PASK: variants seen among roughly 807,000 people sequenced by gnomAD.
PASK encodes the protein PAS domain containing serine/threonine kinase.
In PASK, 110 loss-of-function variants were observed where a neutral mutation model predicts 121.0. The observed-to-expected ratio is 0.91, with a 90% CI of 0.78 to 1.06. The LOEUF is 1.06. Among genes scored for constraint, PASK ranks in the 50% least tolerant of loss-of-function variants. The pLI, the probability that PASK is intolerant of heterozygous loss-of-function variation, is 0.00. For missense variants in PASK, 1,643 were observed against 1,702.3 expected, an observed-to-expected ratio of 0.97 and a Z score of 0.61; for synonymous variants, 686 against 717.8, an observed-to-expected ratio of 0.96 and a Z score of 0.71.
upstream of PASK, chr2:241,150,215 G>C (rs182116419): frequency 7.8e-7 from 1 of 1,274,232 alleles, no homozygotes; most frequent in Non-Finnish European, 9.9e-7. Flanking sequence ...CTGCAGCTAC[G>C]GCTCTGTGCG....
chr2:241,118,951 G>A lies in PASK; in HGVS notation c.3073-3538C>T, dbSNP rs977951146. Reference sequence around the variant, plus strand: ...CAGCACCCCAGTGAGTAAGCTGCCCGTGGCTGGCAAGGGCAGCACCCCCAG... The same window carrying A: ...CAGCACCCCAGTGAGTAAGCTGCCCATGGCTGGCAAGGGCAGCACCCCCAG... On this transcript the variant is annotated intron_variant, in intron 12 of 17. Transcript: ENST00000234040. 1.5e-5 allele frequency: 15 copies of A among 1,024,852 alleles called. No individual in the cohort carries two copies. The African/African-American group carries it at 2.0e-4, about 14-fold the overall frequency. 63.5% of individuals were successfully genotyped at this position (1,024,852 alleles called of 1,614,324 possible).
chr2:241,123,986 G>C lies in PASK; in HGVS notation c.2867C>G (p.Ser956Cys). 1 of 1,613,986 alleles carries C rather than the reference G, an allele frequency of 6.2e-7. No homozygotes were observed. Among genetic ancestry groups the C allele is most frequent in the Non-Finnish European group, 8.5e-7 (1 of 1,180,022 alleles). Residue 956 changes from serine to cysteine, a missense_variant, in exon 11 of 18, where the codon TCT (serine) becomes TGT (cysteine). Transcript: ENST00000234040. Reference sequence around the variant, plus strand: ...GGGTCCGGTGAGCTCAGCAGCGGTAGAGTGGGTGGAGCCGGGCAGGCTGGC... The same window carrying C: ...GGGTCCGGTGAGCTCAGCAGCGGTACAGTGGGTGGAGCCGGGCAGGCTGGC... ...FLASLPGSTH[S>C]TAAELTGPSL...
Position 241,140,674 on chromosome 2 carries a change from G to A in PASK, c.276C>T (p.Ala92=). 1 of 1,614,096 alleles carries A rather than the reference G, an allele frequency of 6.2e-7. No individual in the cohort carries two copies. Among genetic ancestry groups the A allele is most frequent in the Non-Finnish European group, 8.5e-7 (1 of 1,179,952 alleles). The change falls in exon 3 of 18, where the codon GCC becomes GCT. Residue 92 remains alanine, a synonymous_variant. Transcript: ENST00000234040. ...ICTSKLHCPA[A]PEHTDPSEPR... is the part of the protein sequence containing the mutation. ...GTTCGGACGGGTCCGTGTGCTCAGGGGCAGCAGGGCAGTGCAGTTTACTTG... is the reference window on the plus strand; with the variant it reads ...GTTCGGACGGGTCCGTGTGCTCAGGAGCAGCAGGGCAGTGCAGTTTACTTG...
In PASK at chr2:241,127,295, C is replaced by T; in HGVS notation, c.1620G>A (p.Val540=). ...LGESRSEPVD[V]KPFASCEDSE... ...AATCTTCGCAGGAAGCAAATGGCTTCACATCCACTGGTTCAGACCTGCTTT... is the reference window on the plus strand; with the variant it reads ...AATCTTCGCAGGAAGCAAATGGCTTTACATCCACTGGTTCAGACCTGCTTT... The change falls in exon 10 of 18, where the codon GTG becomes GTA. Residue 540 remains valine (V), a synonymous_variant. Transcript: ENST00000234040. 6.2e-7 allele frequency: 1 copy of T among 1,614,254 alleles called. No individual in the cohort carries two copies. Among genetic ancestry groups the T allele is most frequent in the Non-Finnish European group, 8.5e-7 (1 of 1,180,036 alleles).
At chr2:241,119,596 A>G (rs1046074115) in intron 12 of PASK, among the ~76,000 whole-genome samples, 3 of 151,316 alleles carry the variant, frequency 2.0e-5, no homozygotes, top group African/African-American at 7.3e-5. Flanking sequence ...CAGCCTCCTG[A>G]GTAGCTGGAA....
At chr2:241,138,832 A>G (rs1265467456) in intron 4 of PASK, 38 bp from the exon 5 acceptor site, 1 of 1,610,850 alleles carries the variant, frequency 6.2e-7, no homozygotes, top group African/African-American at 1.3e-5. Context: ...CATGCCATGA[A>G]CCCAAAAGAC....
chr2:241,106,597 T>G lies in PASK; in HGVS notation c.3941A>C (p.His1314Pro), dbSNP rs199833369. The change falls in exon 18 of 18, where the codon CAT (histidine) becomes CCT (proline). Residue 1314 changes from histidine to proline, a missense_variant. Coordinates refer to ENST00000234040, the MANE Select transcript of PASK (RefSeq NM_015148.4). ...GEAPNGQGCL[H>P]PGDPRLLTS The stretch of plus-strand genomic sequence containing the variant: ...GGTCAGCAGACGGGGATCCCCGGGA[T>G]GCAAACAGCCTTGGCCATTAGGAGC... 16 of 1,614,132 alleles carry G rather than the reference T, an allele frequency of 9.9e-6. No individual in the cohort carries two copies. In the African/African-American group the frequency reaches 1.6e-4, roughly 16 times the overall value.
At position 241,142,979 on chromosome 2, in the gene PASK, C is replaced by G. The variant is rs1575343704; in HGVS notation, c.54G>C (p.Gln18His). The change falls in exon 2 of 18, where the codon CAG becomes CAC. Residue 18 changes from glutamine to histidine, a missense_variant. This residue lies in a region of PASK where 1,176 missense variants were observed against 1,162.2 expected (regional missense o/e 1.01). Coordinates refer to ENST00000234040, the MANE Select transcript of PASK (RefSeq NM_015148.4). Reference sequence around the variant, plus strand: ...CTGCTGACACTGGCAAGGGGAGGCTCTGGGAAAGGCATCTCTGGTCCTCTT... The same window carrying G: ...CTGCTGACACTGGCAAGGGGAGGCTGTGGGAAAGGCATCTCTGGTCCTCTT... ...AFEEDQRCLS[Q>H]SLPLPVSAEG... 1 of 1,614,046 alleles carries G rather than the reference C, an allele frequency of 6.2e-7. No homozygotes were observed. The highest frequency in any genetic ancestry group is 8.5e-7 in the Non-Finnish European group (1 of 1,180,002).
At chr2:241,116,319 G>C (rs939884063) in intron 12 of PASK, among the ~76,000 whole-genome samples, 2 of 152,254 alleles carry the variant, frequency 1.3e-5, no homozygotes, top group Admixed American at 6.5e-5. Context: ...ACAGAAGGGG[G>C]TCAGCAGCTG....
intron 9 of PASK, among the ~76,000 whole-genome samples, chr2:241,130,958 GCA>G (rs930420776): frequency 7.9e-5 from 12 of 152,152 alleles, no homozygotes; most frequent in Non-Finnish European, 8.8e-5. Flanking sequence ...ATATGCACAT[GCA>G]CACATAGAAG....
intron 12 of PASK, among the ~76,000 whole-genome samples, chr2:241,118,549 T>C (rs2065468147): frequency 6.6e-6 from 1 of 151,624 alleles, no homozygotes; most frequent in Admixed American, 6.5e-5. Flanking sequence ...CAAAAATAGA[T>C]CAAAGACTTA....
chr2:241,146,579 C>T (rs370736717), intron 1 of PASK, among the ~76,000 whole-genome samples: 3 of 152,158 alleles, frequency 2.0e-5, no homozygotes, highest in African/African-American at 7.2e-5. Flanking sequence ...AACAAATAAA[C>T]TACACACAAG....
At chr2:241,117,135 G>A (rs1397514649) in intron 12 of PASK, among the ~76,000 whole-genome samples, 5 of 152,158 alleles carry the variant, frequency 3.3e-5, no homozygotes, top group South Asian at 2.1e-4. Context: ...GGGCCAGGGC[G>A]GGAGCAGGAA....
chr2:241,111,257 C>T (rs1213224477), intron 15 of PASK, among the ~76,000 whole-genome samples: 1 of 152,180 alleles, frequency 6.6e-6, no homozygotes, highest in Non-Finnish European at 1.5e-5. Flanking sequence ...TGTGCCTCTC[C>T]TGTGGGGGCA....
intron 2 of PASK, among the ~76,000 whole-genome samples, chr2:241,141,680 C>G (rs1280824258): frequency 2.0e-5 from 3 of 152,154 alleles, no homozygotes; most frequent in African/African-American, 7.2e-5. Flanking sequence ...CGCCTGCTTC[C>G]CCATCTCTGG....
At chr2:241,117,541 G>A (rs2065427295) in intron 12 of PASK, among the ~76,000 whole-genome samples, 2 of 152,212 alleles carry the variant, frequency 1.3e-5, no homozygotes. Flanking sequence ...AGAATTAACG[G>A]AACCAAAGAA....
At chr2:241,122,259 TATA>T (rs1277047396) in intron 12 of PASK, among the ~76,000 whole-genome samples, 3 of 152,152 alleles carry the variant, frequency 2.0e-5, no homozygotes, top group Admixed American at 1.3e-4. Flanking sequence ...AAAAATTTTT[TATA>T]ATAAGAGAAA....
chr2:241,128,078 C>T lies in PASK; in HGVS notation c.1464-627G>A, dbSNP rs887100797. Among the ~76,000 whole-genome samples, 6 of 152,126 alleles carry T rather than the reference C, an allele frequency of 3.9e-5. 1 individual carries two copies. Among genetic ancestry groups the T allele is most frequent in the African/African-American group, 9.7e-5 (4 of 41,434 alleles). On this transcript the variant is annotated intron_variant, in intron 9 of 17. Transcript: ENST00000234040. ...GCAGATCACTTGAGGTCAGGAGGTT[C>T]GAGACCAGACTGGCCAACATGGCAA...
rs772357308 is a variant in PASK, at chr2:241,142,873, G to A, written c.160C>T (p.Leu54Phe). The A allele has an allele frequency of 5.6e-6, 9 of 1,613,844 alleles. No homozygotes were observed. In the African/African-American group the frequency reaches 6.7e-5, roughly 12 times the overall value. Residue 54 changes from leucine (L) to phenylalanine (F), a missense_variant, in exon 2 of 18, where the codon CTT becomes TTT. Transcript: ENST00000234040. ...GTCCTGCTCTGGCAGAGTCTGGAAA[G>A]CCCATTCCTTCTGCTCAGGTGTCTG... ...AHRHLSRRNG[L>F]SRLCQSRTAL...
Sources: allele counts gnomAD v4.1 joint callset (sites outside exome capture counted in the v4.1 genomes callset), GRCh38; gene constraint gnomAD v4.1.1; regional missense constraint gnomAD v4.1.1; transcripts MANE v1.5; gene names NCBI Gene and HGNC (gene_info 2026-07-23, HGNC 2026-07-21).